The following ZNF142 variants were observed in gnomAD, a reference collection of about 807,000 sequenced individuals.
ZNF142 encodes the protein zinc finger protein 142.
In ZNF142, 96 loss-of-function variants were observed where a neutral mutation model predicts 132.1. The observed-to-expected ratio is 0.73, with a 90% confidence interval of 0.62 to 0.86. The LOEUF (loss-of-function observed/expected upper bound fraction) is 0.86. Ranked by LOEUF, ZNF142 falls within the 40% of genes least tolerant of loss-of-function variation. The probability of loss-of-function intolerance (pLI) is 0.00; values close to 1 mark genes in which losing one functional copy is unlikely to be tolerated. For synonymous variants in ZNF142, 842 were observed against 890.1 expected, an observed-to-expected ratio of 0.95 and a Z score of 0.96; for missense variants, 2,163 against 2,336.2, an observed-to-expected ratio of 0.93 and a Z score of 1.53.
At chr2:218,654,340 A>G (rs759243121) in intron 4 of ZNF142, among the ~76,000 whole-genome samples, 6 of 151,726 alleles carry the variant, frequency 4.0e-5, no homozygotes, top group Non-Finnish European at 5.9e-5. Flanking sequence ...AGGTATTATT[A>G]AAAATGTTTA....
Position 218,634,701 on chromosome 2 carries a change from G to A in ZNF142, c.*3638C>T, listed in dbSNP as rs559307706. On this transcript the variant is annotated 3_prime_UTR_variant, in exon 11 of 11. Transcript: ENST00000411696. The surrounding 1 kb of genome is among the most constrained non-coding windows in gnomAD (Gnocchi z 4.0). The stretch of plus-strand genomic sequence containing the variant: ...TAGAAGTGAGGGAAGAGGTGGCTAG[G>A]CCTGACCGGAATGTAGAGGCCGGAT... 1.3e-6 allele frequency: 2 copies of A among 1,533,396 alleles called. No homozygotes were observed. Among genetic ancestry groups the A allele is most frequent in the Non-Finnish European group, 8.9e-7 (1 of 1,125,902 alleles). The allele number at this position is 1,533,396 out of a possible 1,614,324, so 95.0% of individuals were successfully genotyped here.
chr2:218,649,883 C>G (rs1310918557), intron 6 of ZNF142, among the ~76,000 whole-genome samples: 1 of 152,210 alleles, frequency 6.6e-6, no homozygotes, highest in Non-Finnish European at 1.5e-5. Flanking sequence ...CTCACAGGCT[C>G]TAGATAATAA....
chr2:218,653,675 T>G (rs998867692), intron 4 of ZNF142, among the ~76,000 whole-genome samples: 3 of 152,188 alleles, frequency 2.0e-5, no homozygotes, highest in African/African-American at 7.2e-5. Context: ...TTTGGTGTGT[T>G]TCTTTTTGAC....
At position 218,633,658 on chromosome 2, in the gene ZNF142, G is replaced by A; in HGVS notation, c.*4681C>T. 1.9e-6 allele frequency: 3 copies of A among 1,613,504 alleles called. No homozygotes were observed. The South Asian group carries it at 3.3e-5, about 18-fold the overall frequency. ...TCTCTTCCCTGGTTATCTACTTGAAGTCTGTCTCATTCCGCAGCTTCACAC... is the reference window on the plus strand; with the variant it reads ...TCTCTTCCCTGGTTATCTACTTGAAATCTGTCTCATTCCGCAGCTTCACAC... On this transcript the variant is annotated 3_prime_UTR_variant, in exon 11 of 11. Transcript: ENST00000411696.
At position 218,648,794 on chromosome 2, in the gene ZNF142, G is replaced by A. The variant is rs911922544; in HGVS notation, c.1714C>T (p.Leu572=). ...GCAAAGGGGCAGAAGGTGCAGCGCA[G>A]CTCTTCACTGCCAGGGTGGCCCTGC... The part of the protein sequence containing the change: ...KKQGHPGSEE[L]RCTFCPFATF... The change falls in exon 7 of 11, where the codon CTG becomes TTG. Residue 572 remains leucine, a synonymous_variant. Coordinates refer to ENST00000411696, the MANE Select transcript of ZNF142 (RefSeq NM_001379659.1). 2.5e-6 allele frequency: 4 copies of A among 1,614,086 alleles called. No homozygotes were observed. The Admixed American group carries it at 6.7e-5, about 27-fold the overall frequency.
At chr2:218,650,299 G>T in intron 6 of ZNF142, 60 bp downstream of exon 6, 1 of 1,604,804 alleles carries the variant, frequency 6.2e-7, no homozygotes, top group South Asian at 1.1e-5. Context: ...CTCAATGGCA[G>T]GGTTTCAACA....
chr2:218,646,031 G>A (rs1168379665), intron 8 of ZNF142, 140 bp downstream of exon 8: 4 of 1,166,396 alleles, frequency 3.4e-6, no homozygotes, highest in African/African-American at 1.5e-5. Flanking sequence ...GGGATTACAG[G>A]TGTGAGCCAT....
chr2:218,636,400 A>G lies in ZNF142; in HGVS notation c.*1939T>C, dbSNP rs766937615. ...GGACCTGCATGCAACAAGGTGAGCC[A>G]GCCCCTTTGGCCCCTGGCCAATACC... is the stretch of plus-strand genomic sequence containing the variant. On this transcript the variant is annotated 3_prime_UTR_variant, in exon 11 of 11. Coordinates refer to ENST00000411696, the MANE Select transcript of ZNF142 (RefSeq NM_001379659.1). The G allele has an allele frequency of 1.2e-6, 2 of 1,613,916 alleles. No homozygotes were observed. Among genetic ancestry groups the G allele is most frequent in the South Asian group, 2.2e-5 (2 of 91,080 alleles).
intron 7 of ZNF142, among the ~76,000 whole-genome samples, chr2:218,647,446 C>T (rs1398611860): frequency 3.9e-5 from 1 of 25,942 alleles, no homozygotes. Flanking sequence ...GCCTCCTCCC[C>T]TCAAATTTTC....
Position 218,638,435 on chromosome 2 carries a change from T to C in ZNF142, c.5568A>G (p.Lys1856=). 1 of 1,569,782 alleles carries C rather than the reference T, an allele frequency of 6.4e-7. No individual in the cohort carries two copies. The highest frequency in any genetic ancestry group is 1.2e-5 in the South Asian group (1 of 84,800). ...DQADPNQGVG[K]DPTTPTVHLH... ...GGTGCACTGTGGGGGTGGTGGGGTC[T>C]TTGCCCACACCCTGGTTTGGGTCGG... is the stretch of plus-strand genomic sequence containing the variant. Residue 1856 remains lysine (K), a synonymous_variant, in exon 11 of 11, where the codon AAA becomes AAG. Coordinates refer to ENST00000411696, the MANE Select transcript of ZNF142 (RefSeq NM_001379659.1).
Position 218,636,563 on chromosome 2 carries a change from G to A in ZNF142, c.*1776C>T, listed in dbSNP as rs201417059. On this transcript the variant is annotated 3_prime_UTR_variant, in exon 11 of 11. Coordinates refer to ENST00000411696, the MANE Select transcript of ZNF142 (RefSeq NM_001379659.1). The stretch of plus-strand genomic sequence containing the variant: ...TATCTGCATCCAGGAAGGCCTGGAG[G>A]GGGATGAGTCCTGAGGTGGGCATTT... 27 of 1,614,028 alleles carry A rather than the reference G, an allele frequency of 1.7e-5. No homozygotes were observed. The Admixed American group carries it at 2.5e-4, about 15-fold the overall frequency.
At position 218,643,007 on chromosome 2, in the gene ZNF142, T is replaced by C; in HGVS notation, c.4109A>G (p.His1370Arg). Residue 1370 changes from histidine (H) to arginine (R), a missense_variant, in exon 9 of 11, where the codon CAT becomes CGT. Around this residue, in one of 7 missense-constraint regions of ZNF142, gnomAD observed 809 missense variants for 801.7 expected, o/e 1.01. Transcript: ENST00000411696. The stretch of plus-strand genomic sequence containing the variant: ...GAAGCCACAGTCCCCACACTGTAGA[T>C]GGGGCCGGGGCCCACGGGCTGGGGC... ...TAAPARGPRP[H>R]LQCGDCGFTC... The C allele has an allele frequency of 6.2e-7, 1 of 1,609,676 alleles. No homozygotes were observed. The highest frequency in any genetic ancestry group is 8.5e-7 in the Non-Finnish European group (1 of 1,177,774).
At position 218,658,828 on chromosome 2, in the gene ZNF142, G is replaced by A. The variant is rs1938928748; in HGVS notation, c.-162C>T. On this transcript the variant is annotated 5_prime_UTR_variant, in exon 3 of 11. Transcript: ENST00000411696. ...TGCGGGAGGGCAGGGTGAGGTAGGA[G>A]ACAGGTGGGCACCAGAGAAGAAATA... The A allele has an allele frequency of 6.6e-6, 1 of 152,318 alleles. No homozygotes were observed. The allele number at this position is 152,318 out of a possible 1,614,324, so 9.4% of individuals were successfully genotyped here. A position where few individuals can be genotyped will look rare whatever the true frequency, so the allele number is the denominator to read the frequency against.
At position 218,633,406 on chromosome 2, in the gene ZNF142, T is replaced by C; in HGVS notation, c.*4933A>G. On this transcript the variant is annotated 3_prime_UTR_variant, in exon 11 of 11. Coordinates refer to ENST00000411696, the MANE Select transcript of ZNF142 (RefSeq NM_001379659.1). The stretch of plus-strand genomic sequence containing the variant: ...CCCAGGTTGTGACGTGCCCGCTGTT[T>C]TGTCCGTCTATCTGTTGTCAGATTG... The C allele has an allele frequency of 1.4e-6, 1 of 726,376 alleles. No homozygotes were observed. The highest frequency in any genetic ancestry group is 2.5e-6 in the Non-Finnish European group (1 of 405,426). 45.0% of individuals were successfully genotyped at this position (726,376 alleles called of 1,614,324 possible).
chr2:218,634,737 CAG>C lies in ZNF142; in HGVS notation c.*3600_*3601del. 2 of 1,313,978 alleles carry C rather than the reference CAG, an allele frequency of 1.5e-6. No individual in the cohort carries two copies. The highest frequency in any genetic ancestry group is 2.1e-6 in the Non-Finnish European group (2 of 951,884). The allele number at this position is 1,313,978 out of a possible 1,614,324, so 81.4% of individuals were successfully genotyped here. A position where few individuals can be genotyped will look rare whatever the true frequency, so the allele number is the denominator to read the frequency against. ...ATGTAGAGGCCGGATAGCCTATTAA[CAG>C]TGTCTAGTTTTAGCTTTTGGAGCCA... On this transcript the variant is annotated 3_prime_UTR_variant, in exon 11 of 11. Transcript: ENST00000411696. This position sits in a 1 kb window ranked among gnomAD's most constrained non-coding sequence, Gnocchi z 4.0.
chr2:218,639,237 C>G (rs1696969779), intron 10 of ZNF142, among the ~76,000 whole-genome samples: 4 of 152,204 alleles, frequency 2.6e-5, no homozygotes, highest in Admixed American at 2.6e-4. Flanking sequence ...TCCCAAAGTG[C>G]TGGGATTACA....
At chr2:218,652,596 C>T (rs574331803) in intron 4 of ZNF142, among the ~76,000 whole-genome samples, 1 of 152,054 alleles carries the variant, frequency 6.6e-6, no homozygotes, top group Non-Finnish European at 1.5e-5. Flanking sequence ...ATATTTTGCC[C>T]AAGTGAAAAC....
chr2:218,643,921 G>A lies in ZNF142; in HGVS notation c.3195C>T (p.Pro1065=), dbSNP rs773182160. Residue 1065 remains proline, a synonymous_variant, in exon 9 of 11, where the codon CCC becomes CCT. Coordinates refer to ENST00000411696, the MANE Select transcript of ZNF142 (RefSeq NM_001379659.1). The part of the protein sequence containing the change: ...SRTGCQGRRE[P]LLCPECGASF... ...TAGCCCCACACTCGGGGCACAGCAGGGGCTCTCGGCGGCCTTGGCACCCAG... is the reference window on the plus strand; with the variant it reads ...TAGCCCCACACTCGGGGCACAGCAGAGGCTCTCGGCGGCCTTGGCACCCAG... 1.4e-5 allele frequency: 23 copies of A among 1,614,150 alleles called. No individual in the cohort carries two copies. In the East Asian group the frequency reaches 3.3e-4, roughly 23 times the overall value.
intron 4 of ZNF142, 42 bp from the exon 5 acceptor site, chr2:218,652,342 G>A (rs922689616): frequency 4.4e-6 from 2 of 455,844 alleles, no homozygotes; most frequent in Non-Finnish European, 8.8e-6. Context: ...AGAATCAGAT[G>A]GAACAAGACT....
Sources: allele counts gnomAD v4.1 joint callset (sites outside exome capture counted in the v4.1 genomes callset), GRCh38; gene constraint gnomAD v4.1.1; regional missense constraint gnomAD v4.1.1; non-coding constraint Gnocchi (gnomAD v3.1); transcripts MANE v1.5; gene names NCBI Gene and HGNC (gene_info 2026-07-23, HGNC 2026-07-21).